ADAM18: variants seen among roughly 807,000 people sequenced by gnomAD.
ADAM18 encodes the protein ADAM metallopeptidase domain 18, also known as disintegrin and metalloproteinase domain-containing protein 18.
In ADAM18, 117 loss-of-function variants were observed where a neutral mutation model predicts 94.4. The ratio of observed to expected loss-of-function variants is 1.24; its 90% CI spans 1.07 to 1.45. The LOEUF (loss-of-function observed/expected upper bound fraction) is 1.45, where lower values mean the gene tolerates loss of function less well. Among genes scored for constraint, ADAM18 ranks in the 40% most tolerant of loss-of-function variants. ADAM18 has a pLI of 0.00. For synonymous variants in ADAM18, 327 were observed against 291.6 expected (o/e 1.12, Z -1.24); for missense variants, 936 against 880.0 (o/e 1.06, Z -0.81).
At chr8:39,613,117 A>G (rs1819327343) in intron 6 of ADAM18, among the ~76,000 whole-genome samples, 1 of 152,080 alleles carries the variant, frequency 6.6e-6, no homozygotes, top group African/African-American at 2.4e-5. Flanking sequence ...CCACAGGTAC[A>G]TACATGCATG....
At position 39,610,669 on chromosome 8, in the gene ADAM18, A is replaced by G. The variant is rs1819246976; in HGVS notation, c.485A>G (p.Gln162Arg). The G allele has an allele frequency of 1.9e-6, 3 of 1,613,438 alleles. No individual in the cohort carries two copies. The highest frequency in any genetic ancestry group is 2.5e-6 in the Non-Finnish European group (3 of 1,179,592). Residue 162 changes from glutamine (Q) to arginine (R), a missense_variant, in exon 6 of 20, where the codon CAG becomes CGG. Transcript: ENST00000265707. ...ILAVNYSHIWQKDQPYKVPLN... is the reference protein window; with the variant it reads ...ILAVNYSHIWRKDQPYKVPLN... ...GCAGTAAATTACAGTCATATTTGGCAGAAAGACCAGCCCTACAAAGTTCCT... is the reference window on the plus strand; with the variant it reads ...GCAGTAAATTACAGTCATATTTGGCGGAAAGACCAGCCCTACAAAGTTCCT...
chr8:39,616,437 A>T (rs968661398), intron 6 of ADAM18, among the ~76,000 whole-genome samples: 1 of 152,166 alleles, frequency 6.6e-6, no homozygotes, highest in African/African-American at 2.4e-5. Context: ...TTAAAATGAC[A>T]GTGCATCCCA....
At chr8:39,585,480 G>A (rs1166968656) in intron 2 of ADAM18, 128 bp downstream of exon 2, 4 of 668,408 alleles carry the variant, frequency 6.0e-6, no homozygotes, top group Non-Finnish European at 7.5e-6. Context: ...GTGCTATTTT[G>A]TCTCCTACCG....
intron 16 of ADAM18, among the ~76,000 whole-genome samples, chr8:39,680,861 T>C (rs1041204175): frequency 1.3e-5 from 2 of 151,724 alleles, no homozygotes; most frequent in Non-Finnish European, 2.9e-5. Flanking sequence ...CACTTAAATG[T>C]CATTTGGTGC....
Position 39,730,004 on chromosome 8 carries a change from C to A in ADAM18, c.*64C>A. On this transcript the variant is annotated 3_prime_UTR_variant, in exon 20 of 20. Coordinates refer to ENST00000265707, the MANE Select transcript of ADAM18 (RefSeq NM_014237.3). Reference sequence around the variant, plus strand: ...CGAATGTGCTTTATTTATAACCTTACGTTATCCCCAATGCATTGTAAATGT... The same window carrying A: ...CGAATGTGCTTTATTTATAACCTTAAGTTATCCCCAATGCATTGTAAATGT... 1 of 1,493,984 alleles carries A rather than the reference C, an allele frequency of 6.7e-7. No homozygotes were observed. 92.5% of individuals were successfully genotyped at this position (1,493,984 alleles called of 1,614,324 possible). A position where few individuals can be genotyped will look rare whatever the true frequency, so the allele number is the denominator to read the frequency against.
intron 6 of ADAM18, among the ~76,000 whole-genome samples, chr8:39,616,249 A>G (rs975440031): frequency 6.6e-6 from 1 of 152,032 alleles, no homozygotes; most frequent in African/African-American, 2.4e-5. Context: ...ACAAAAAAAA[A>G]ATTAGTCAAG....
At chr8:39,653,305 T>A (rs1820590010) in intron 12 of ADAM18, among the ~76,000 whole-genome samples, 1 of 152,128 alleles carries the variant, frequency 6.6e-6, no homozygotes, top group Non-Finnish European at 1.5e-5. Flanking sequence ...TTAAAAAATG[T>A]ATTTTTAAAA....
chr8:39,716,776 A>C (rs1378150960), intron 18 of ADAM18, among the ~76,000 whole-genome samples: 3 of 151,824 alleles, frequency 2.0e-5, no homozygotes, highest in African/African-American at 7.2e-5. Flanking sequence ...GATATTTTAT[A>C]TATTATTGAA....
intron 6 of ADAM18, among the ~76,000 whole-genome samples, chr8:39,613,760 T>C (rs1485051568): frequency 6.6e-6 from 1 of 152,196 alleles, no homozygotes; most frequent in Non-Finnish European, 1.5e-5. Flanking sequence ...TGAAAGAGGA[T>C]ATAGCCATTT....
In ADAM18 at chr8:39,677,534, G is replaced by A; in HGVS notation, c.1629G>A (p.Arg543=). Residue 543 remains arginine (R), a splice_region_variant and synonymous_variant, in exon 15 of 20, where the codon CGG becomes CGA. Coordinates refer to ENST00000265707, the MANE Select transcript of ADAM18 (RefSeq NM_014237.3). The part of the protein sequence containing the change: ...FKNSQPLPCE[R]KDVLCGKLAC... ...ATTCACAACCATTACCTTGTGAACG[G>A]AAGTACGTATGTAGAAAATGATTGC... is the stretch of plus-strand genomic sequence containing the variant. The A allele has an allele frequency of 6.3e-7, 1 of 1,586,418 alleles. No homozygotes were observed. The highest frequency in any genetic ancestry group is 1.4e-5 in the African/African-American group (1 of 73,678).
chr8:39,624,756 G>T (rs1819715068), intron 6 of ADAM18, among the ~76,000 whole-genome samples: 1 of 152,118 alleles, frequency 6.6e-6, no homozygotes, highest in Admixed American at 6.5e-5. Flanking sequence ...TCTCGTGGTA[G>T]AGTTCTCAGG....
rs149866757 is a variant in ADAM18 at position 39,641,354 on chromosome 8, G to A, written c.909+2808G>A. Among the ~76,000 whole-genome samples the A allele has an allele frequency of 5.2e-3, 798 of 152,078 alleles. 4 individuals carry two copies. Among genetic ancestry groups the A allele is most frequent in the African/African-American group, 0.016 (677 of 41,546 alleles). On this transcript the variant is annotated intron_variant, in intron 10 of 19. Transcript: ENST00000265707. ...TCTATTTTGTTCTATTGGTTTGTGC[G>A]TCTGTTCTTGTACCAATACCATGCT...
At chr8:39,624,135 C>G (rs1819697484) in intron 6 of ADAM18, among the ~76,000 whole-genome samples, 1 of 152,114 alleles carries the variant, frequency 6.6e-6, no homozygotes, top group East Asian at 1.9e-4. Context: ...ACTTCTTTTT[C>G]TGTGCAGAAG....
Position 39,642,668 on chromosome 8 carries a change from T to C in ADAM18, c.910-2670T>C, listed in dbSNP as rs182004374. 2.6e-3 allele frequency among the ~76,000 whole-genome samples: 391 copies of C among 152,214 alleles called. 5 individuals are homozygous for C. Among genetic ancestry groups the C allele is most frequent in the African/African-American group, 9.0e-3 (375 of 41,558 alleles). ...TTTTGGTTACTGTAGCCCTATAGTA[T>C]AGTTTGAAGTCAGGTAGCAACCATG... On this transcript the variant is annotated intron_variant, in intron 10 of 19. Coordinates refer to ENST00000265707, the MANE Select transcript of ADAM18 (RefSeq NM_014237.3).
chr8:39,624,103 TTGTC>T (rs1345733593), intron 6 of ADAM18, among the ~76,000 whole-genome samples: 2 of 152,170 alleles, frequency 1.3e-5, no homozygotes, highest in African/African-American at 4.8e-5. Context: ...CTTCTTTAGG[TTGTC>T]TGTTTGTTCT....
At chr8:39,703,486 C>T (rs1822146248) in intron 17 of ADAM18, among the ~76,000 whole-genome samples, 1 of 151,866 alleles carries the variant, frequency 6.6e-6, no homozygotes, top group East Asian at 1.9e-4. Flanking sequence ...TTTGTCTTGC[C>T]TGATTGCCCT....
At chr8:39,604,033 A>G (rs551162964) in intron 2 of ADAM18, among the ~76,000 whole-genome samples, 1 of 152,188 alleles carries the variant, frequency 6.6e-6, no homozygotes, top group Non-Finnish European at 1.5e-5. Context: ...ATCATCTATA[A>G]TTGATTCATT....
chr8:39,597,554 C>G (rs1818777067), intron 2 of ADAM18, among the ~76,000 whole-genome samples: 1 of 152,090 alleles, frequency 6.6e-6, no homozygotes, highest in African/African-American at 2.4e-5. Flanking sequence ...CATTGTATTT[C>G]CTATGCTTTT....
At chr8:39,594,793 G>GTTTTTTTTTTTTTT (rs71237182) in intron 2 of ADAM18, among the ~76,000 whole-genome samples, 1 of 46,848 alleles carries the variant, frequency 2.1e-5, no homozygotes, top group Non-Finnish European at 4.0e-5. Flanking sequence ...TTTGCTGTGA[G>GTTTTTTTTTTTTTT]TTTTTTTTTT....
Sources: allele counts gnomAD v4.1 joint callset (sites outside exome capture counted in the v4.1 genomes callset), GRCh38; gene constraint gnomAD v4.1.1; transcripts MANE v1.5; gene names NCBI Gene and HGNC (gene_info 2026-07-23, HGNC 2026-07-21).